Variants in TTC28 observed in about 807,000 individuals in gnomAD.
TTC28 encodes the protein tetratricopeptide repeat protein 28.
TTC28 carries 61 observed loss-of-function variants against 198.0 expected under a neutral mutation model. The observed-to-expected ratio is 0.31, with a 90% CI of 0.25 to 0.38. TTC28 has a LOEUF of 0.38. Among genes scored for constraint, TTC28 ranks in the 10% least tolerant of loss-of-function variants. The pLI is 1.00. For missense variants in TTC28, 2,678 were observed against 3,164.0 expected, an observed-to-expected ratio of 0.85 and a Z score of 3.69; for synonymous variants, 1,171 against 1,297.8, an observed-to-expected ratio of 0.90 and a Z score of 2.10.
intron 5 of TTC28, among the ~76,000 whole-genome samples, chr22:28,272,191 C>A (rs958592589): frequency 1.3e-5 from 2 of 152,182 alleles, no homozygotes; most frequent in African/African-American, 4.8e-5. Context: ...GATGGTGCTT[C>A]ATAGATGTTC....
intron 12 of TTC28, among the ~76,000 whole-genome samples, chr22:28,079,872 G>A (rs571799494): frequency 1.3e-5 from 2 of 152,076 alleles, no homozygotes; most frequent in Non-Finnish European, 2.9e-5. Flanking sequence ...GGTACTATAG[G>A]CATACGACCA....
rs555360305 is a variant in TTC28, at chr22:27,981,381, A to G, written c.*840T>C. On this transcript the variant is annotated 3_prime_UTR_variant, in exon 23 of 23. Transcript: ENST00000397906. ...AACTTTTTGAGCTTTTAAAAATAAT[A>G]GCTATAAATGCAAAGTACTATTGAT... is the stretch of plus-strand genomic sequence containing the variant. The G allele has an allele frequency of 5.9e-5, 9 of 152,012 alleles. No homozygotes were observed. Among genetic ancestry groups the G allele is most frequent in the African/African-American group, 2.2e-4 (9 of 41,472 alleles). The allele number at this position is 152,012 out of a possible 1,614,324, so 9.4% of individuals were successfully genotyped here.
At chr22:28,400,680 C>A (rs1458093852) in intron 2 of TTC28, among the ~76,000 whole-genome samples, 1 of 152,068 alleles carries the variant, frequency 6.6e-6, no homozygotes, top group Non-Finnish European at 1.5e-5. Flanking sequence ...AAAACAGAAC[C>A]TTCAAGTTAG....
intron 2 of TTC28, among the ~76,000 whole-genome samples, chr22:28,385,466 T>G (rs1280241053): frequency 2.6e-5 from 4 of 151,754 alleles, no homozygotes; most frequent in Non-Finnish European, 4.4e-5. Context: ...GTTTACATTT[T>G]TAGTTTTAGG....
intron 2 of TTC28, among the ~76,000 whole-genome samples, chr22:28,401,947 T>G (rs928385724): frequency 6.6e-6 from 1 of 152,212 alleles, no homozygotes; most frequent in South Asian, 2.1e-4. Flanking sequence ...ATTTTTAAAT[T>G]GACCCTTTTC....
intron 6 of TTC28, among the ~76,000 whole-genome samples, chr22:28,146,332 G>A (rs367868505): frequency 4.6e-5 from 7 of 152,336 alleles, no homozygotes; most frequent in African/African-American, 1.7e-4. Flanking sequence ...GCTTAGTAAA[G>A]GATTTAGCAC....
At chr22:28,267,905 G>A (rs977321001) in intron 5 of TTC28, among the ~76,000 whole-genome samples, 6 of 152,092 alleles carry the variant, frequency 3.9e-5, no homozygotes, top group African/African-American at 1.2e-4. Flanking sequence ...CAAGTCTTTC[G>A]GGACTACGAC....
intron 2 of TTC28, among the ~76,000 whole-genome samples, chr22:28,546,437 T>C (rs1601547897): frequency 6.6e-6 from 1 of 151,978 alleles, no homozygotes; most frequent in Non-Finnish European, 1.5e-5. Context: ...CAGAGCAAAA[T>C]TCCTCTCAAA....
chr22:28,349,551 G>A (rs554299351), intron 2 of TTC28, among the ~76,000 whole-genome samples: 2 of 152,248 alleles, frequency 1.3e-5, no homozygotes, highest in Non-Finnish European at 2.9e-5. Context: ...AAGAGCACTG[G>A]AAAGGAGCCA....
chr22:28,133,015 G>A (rs570905264), intron 6 of TTC28, among the ~76,000 whole-genome samples: 1 of 152,344 alleles, frequency 6.6e-6, no homozygotes, highest in African/African-American at 2.4e-5. Context: ...TTTGAGGTCA[G>A]GAGTTTGAGA....
chr22:28,601,118 TA>T (rs754243205), intron 2 of TTC28, among the ~76,000 whole-genome samples: 4 of 152,202 alleles, frequency 2.6e-5, no homozygotes, highest in Non-Finnish European at 4.4e-5. Flanking sequence ...TGAATTATAA[TA>T]AACGTGTTTA....
intron 1 of TTC28, among the ~76,000 whole-genome samples, chr22:28,654,538 G>T (rs2051613913): frequency 6.6e-6 from 1 of 152,114 alleles, no homozygotes; most frequent in African/African-American, 2.4e-5. Flanking sequence ...ATGTTGGCCA[G>T]GATGGTCTCA....
chr22:28,007,755 C>G (rs988637156), intron 14 of TTC28: 1 of 152,196 alleles, frequency 6.6e-6, no homozygotes, highest in Non-Finnish European at 1.5e-5. Context: ...AGAGCCAGCA[C>G]GCAGATGACA....
chr22:28,169,626 C>T (rs1321038969), intron 5 of TTC28, among the ~76,000 whole-genome samples: 1 of 151,960 alleles, frequency 6.6e-6, no homozygotes, highest in Non-Finnish European at 1.5e-5. Flanking sequence ...ACAATCAGAA[C>T]ACATGGACAC....
chr22:28,155,680 A>T (rs1943734490), intron 6 of TTC28, among the ~76,000 whole-genome samples: 1 of 152,224 alleles, frequency 6.6e-6, no homozygotes, highest in Non-Finnish European at 1.5e-5. Context: ...AACATGGCCA[A>T]TGTGGTGAGA....
chr22:28,256,196 C>T (rs528469256), intron 5 of TTC28, among the ~76,000 whole-genome samples: 1 of 151,042 alleles, frequency 6.6e-6, no homozygotes, highest in Non-Finnish European at 1.5e-5. Context: ...CTGAGGCAGG[C>T]AGATCACCTG....
chr22:28,359,020 A>G (rs911166511), intron 2 of TTC28, among the ~76,000 whole-genome samples: 1 of 152,208 alleles, frequency 6.6e-6, no homozygotes, highest in Non-Finnish European at 1.5e-5. Flanking sequence ...ACTGAACTAT[A>G]TAACAAAATC....
At chr22:28,173,332 C>T (rs910205611) in intron 5 of TTC28, among the ~76,000 whole-genome samples, 1 of 152,112 alleles carries the variant, frequency 6.6e-6, no homozygotes, top group Non-Finnish European at 1.5e-5. Context: ...ATCACAGGCT[C>T]CACCTCAAGC....
chr22:28,120,368 T>A (rs1423651701), intron 6 of TTC28, among the ~76,000 whole-genome samples: 1 of 152,164 alleles, frequency 6.6e-6, no homozygotes, highest in East Asian at 1.9e-4. Context: ...CCCTGGGACC[T>A]TCATTATCTT....
Sources: gnomAD v4.1 joint callset for allele counts (sites outside exome capture counted in the v4.1 genomes callset) on GRCh38, gnomAD v4.1.1 for gene constraint, MANE v1.5 for transcripts, NCBI Gene and HGNC (gene_info 2026-07-23, HGNC 2026-07-21) for gene names.